The following SP140 variants were observed in gnomAD, a reference collection of about 807,000 sequenced individuals.
SP140 encodes SP140 nuclear body protein.
SP140 carries 81 observed loss-of-function variants against 125.0 expected under a neutral mutation model. The observed-to-expected ratio is 0.65, with a 90% CI of 0.54 to 0.78. The LOEUF (loss-of-function observed/expected upper bound fraction) is 0.78, where lower values mean the gene tolerates loss of function less well. Ranked by LOEUF, SP140 falls within the 30% of genes least tolerant of loss-of-function variation. The pLI, the probability that SP140 is intolerant of heterozygous loss-of-function variation, is 0.00. For missense variants in SP140, 858 were observed against 1,037.0 expected (o/e 0.83, Z 2.37); for synonymous variants, 312 against 354.0 (o/e 0.88, Z 1.33).
chr2:230,263,436 C>T (rs2052591727), intron 12 of SP140, among the ~76,000 whole-genome samples: 1 of 152,128 alleles, frequency 6.6e-6, no homozygotes, highest in African/African-American at 2.4e-5. Flanking sequence ...TTAAGTGGAG[C>T]ATTTAGGCCA....
At chr2:230,191,328 T>C in the SP140 span, among the ~76,000 whole-genome samples, 1 of 151,706 alleles carries the variant, frequency 6.6e-6, no homozygotes. Context: ...CAAAAAACCC[T>C]CAAAAAATCA....
chr2:230,233,797 C>T (rs2047597184), intron 1 of SP140, among the ~76,000 whole-genome samples: 1 of 152,234 alleles, frequency 6.6e-6, no homozygotes, highest in Non-Finnish European at 1.5e-5. Flanking sequence ...CAGCTAGACC[C>T]TCCTATCTGC....
intron 12 of SP140, among the ~76,000 whole-genome samples, chr2:230,268,827 C>G (rs2053515538): frequency 3.9e-5 from 6 of 152,154 alleles, no homozygotes. Flanking sequence ...AAGGGTCCCA[C>G]AGGACACTCC....
chr2:230,261,618 G>T (rs967387221), intron 12 of SP140, among the ~76,000 whole-genome samples: 2 of 152,096 alleles, frequency 1.3e-5, no homozygotes, highest in African/African-American at 4.8e-5. Context: ...TTACCTTAAG[G>T]TATGTCTCTT....
chr2:230,271,646 G>A (rs1362292703), intron 15 of SP140, among the ~76,000 whole-genome samples: 1 of 152,180 alleles, frequency 6.6e-6, no homozygotes, highest in African/African-American at 2.4e-5. Context: ...ATCATGGTGT[G>A]TTGTGGTGTC....
At chr2:230,238,928 G>T in intron 3 of SP140, 1 of 1,547,414 alleles carries the variant, frequency 6.5e-7, no homozygotes, top group South Asian at 1.2e-5. Flanking sequence ...CCATGTGGTT[G>T]AATTGCAGAC....
At chr2:230,284,230 G>T in intron 15 of SP140, 116 bp from the exon 16 acceptor site, 1 of 919,130 alleles carries the variant, frequency 1.1e-6, no homozygotes, top group South Asian at 1.6e-5. Context: ...AAAGTATTTT[G>T]CCCCATTCCT....
At chr2:230,239,587 C>T (rs1191683874) in intron 3 of SP140, among the ~76,000 whole-genome samples, 1 of 152,172 alleles carries the variant, frequency 6.6e-6, no homozygotes, top group African/African-American at 2.4e-5. Flanking sequence ...TCTGGGATTA[C>T]AGTCACCCAC....
At chr2:230,203,683 A>C (rs183699154) in intron 1 of SP140, 1 of 152,234 alleles carries the variant, frequency 6.6e-6, no homozygotes, top group Non-Finnish European at 1.5e-5. Context: ...TACAGAAAAT[A>C]TGAGAGTGTG....
At chr2:230,209,208 A>T (rs2044198988) in intron 1 of SP140, among the ~76,000 whole-genome samples, 1 of 152,168 alleles carries the variant, frequency 6.6e-6, no homozygotes, top group Non-Finnish European at 1.5e-5. Flanking sequence ...GGTTTGAATG[A>T]CGATAGGGTC....
chr2:230,245,457 A>G (rs1199144442), intron 6 of SP140, among the ~76,000 whole-genome samples: 1 of 152,234 alleles, frequency 6.6e-6, no homozygotes, highest in Non-Finnish European at 1.5e-5. Flanking sequence ...GAAATACTGT[A>G]TATAGAAGAG....
At chr2:230,244,759 C>T (rs1028057529) in intron 5 of SP140, among the ~76,000 whole-genome samples, 7 of 151,884 alleles carry the variant, frequency 4.6e-5, no homozygotes, top group South Asian at 2.1e-4. Flanking sequence ...TGCTTCATGG[C>T]GTAGAAGCAA....
chr2:230,293,354 T>G (rs1476803924), intron 20 of SP140, among the ~76,000 whole-genome samples: 2 of 152,214 alleles, frequency 1.3e-5, no homozygotes, highest in African/African-American at 4.8e-5. Flanking sequence ...TATTTATTTT[T>G]AGGAGACAGT....
intron 12 of SP140, among the ~76,000 whole-genome samples, chr2:230,258,688 G>T (rs2051672461): frequency 6.6e-6 from 1 of 152,170 alleles, no homozygotes; most frequent in Non-Finnish European, 1.5e-5. Context: ...TTTCCCACAT[G>T]TGCTGTTAAC....
intron 1 of SP140, among the ~76,000 whole-genome samples, chr2:230,232,041 G>T (rs981313888): frequency 5.3e-5 from 8 of 152,110 alleles, no homozygotes; most frequent in Admixed American, 1.3e-4. Context: ...TGACAAGATG[G>T]CCAGAAGGGG....
intron 3 of SP140, among the ~76,000 whole-genome samples, chr2:230,215,983 A>G (rs1156694866): frequency 6.6e-6 from 1 of 152,182 alleles, no homozygotes; most frequent in Admixed American, 6.5e-5. Flanking sequence ...GACTAAGACT[A>G]AGGGAAGATT....
At position 230,269,873 on chromosome 2, in the gene SP140, C is replaced by T. The variant is rs761881372; in HGVS notation, c.1364C>T (p.Ser455Phe). The T allele has an allele frequency of 1.9e-6, 3 of 1,613,870 alleles. No individual in the cohort carries two copies. The highest frequency in any genetic ancestry group is 2.2e-5 in the East Asian group (1 of 44,880). ...TCAGCATATGAAAATGAGAAGTGTT[C>T]CTGTGTCATGTGTTTCTCAGAAGAG... Reference protein sequence around the residue: ...EQSAYENEKCSCVMCFSEEVP... With the variant: ...EQSAYENEKCFCVMCFSEEVP... Residue 455 changes from serine (S) to phenylalanine (F), a missense_variant, in exon 14 of 27, where the codon TCC becomes TTC. Transcript: ENST00000392045.
chr2:230,254,259 AG>A (rs2050811693), intron 11 of SP140, among the ~76,000 whole-genome samples: 1 of 152,208 alleles, frequency 6.6e-6, no homozygotes, highest in African/African-American at 2.4e-5. Context: ...GGGCCTGTAG[AG>A]CTGAAGTCAG....
chr2:230,212,497 A>G (rs905347936), intron 1 of SP140: 27 of 1,310,756 alleles, frequency 2.1e-5, no homozygotes, highest in Middle Eastern at 3.6e-4. Context: ...GTGAATGTTA[A>G]AAGTGCCTGG....
Sources: gnomAD v4.1 joint callset for allele counts (sites outside exome capture counted in the v4.1 genomes callset) on GRCh38, gnomAD v4.1.1 for gene constraint, MANE v1.5 for transcripts, NCBI Gene and HGNC (gene_info 2026-07-23, HGNC 2026-07-21) for gene names.